PCSK5: variants seen among roughly 807,000 people sequenced by gnomAD.
PCSK5 encodes the protein prohormone convertase 5.
In PCSK5, 129 loss-of-function variants were observed where a neutral mutation model predicts 233.2. The ratio of observed to expected loss-of-function variants is 0.55; its 90% CI spans 0.48 to 0.64. The LOEUF (loss-of-function observed/expected upper bound fraction) is 0.64, where lower values mean the gene tolerates loss of function less well. Ranked by LOEUF, PCSK5 falls within the 30% of genes least tolerant of loss-of-function variation. The probability of loss-of-function intolerance (pLI) is 0.00; values close to 1 mark genes in which losing one functional copy is unlikely to be tolerated. For missense variants in PCSK5, 2,076 were observed against 2,430.1 expected, an observed-to-expected ratio of 0.85 and a Z score of 3.06; for synonymous variants, 825 against 879.2, an observed-to-expected ratio of 0.94 and a Z score of 1.09.
intron 5 of PCSK5, among the ~76,000 whole-genome samples, chr9:76,037,352 A>AGTTT (rs139081892): frequency 0.026 from 3,987 of 152,200 alleles, 145 homozygotes; most frequent in East Asian, 0.11. Context: ...TGTATTGACA[A>AGTTT]GTTTGTTTGT....
intron 1 of PCSK5, among the ~76,000 whole-genome samples, chr9:75,900,326 T>C (rs369659436): frequency 4.6e-5 from 7 of 152,154 alleles, no homozygotes; most frequent in African/African-American, 1.4e-4. Context: ...GAGTTAAAAG[T>C]AGCTAGAATA....
intron 35 of PCSK5, among the ~76,000 whole-genome samples, chr9:76,345,254 C>T (rs915355690): frequency 2.6e-5 from 4 of 151,508 alleles, no homozygotes; most frequent in African/African-American, 9.7e-5. Flanking sequence ...ACTCTGTCGC[C>T]CAGGCTAAAG....
intron 2 of PCSK5, among the ~76,000 whole-genome samples, chr9:75,969,429 TG>T: frequency 6.6e-6 from 1 of 152,292 alleles, no homozygotes; most frequent in Admixed American, 6.5e-5. Flanking sequence ...CCCTGGGTCT[TG>T]GAGGCACTTC....
intron 1 of PCSK5, among the ~76,000 whole-genome samples, chr9:75,914,020 T>G (rs1822871411): frequency 6.6e-6 from 1 of 152,202 alleles, no homozygotes; most frequent in Non-Finnish European, 1.5e-5. Flanking sequence ...AGGTCCAGTT[T>G]GTTCTTAAAT....
intron 5 of PCSK5, among the ~76,000 whole-genome samples, chr9:76,051,781 A>G (rs956411116): frequency 2.0e-5 from 3 of 152,288 alleles, no homozygotes; most frequent in African/African-American, 4.8e-5. Flanking sequence ...AAAGGAGACA[A>G]TTTCCCAGTC....
intron 1 of PCSK5, among the ~76,000 whole-genome samples, chr9:75,904,921 G>T (rs990106503): frequency 3.3e-5 from 5 of 152,094 alleles, no homozygotes; most frequent in African/African-American, 1.2e-4. Flanking sequence ...CGGATAAATG[G>T]ATACAATTTG....
chr9:76,085,510 A>G (rs1271160442), intron 7 of PCSK5, among the ~76,000 whole-genome samples: 2 of 152,222 alleles, frequency 1.3e-5, no homozygotes, highest in East Asian at 3.9e-4. Flanking sequence ...GGTTTCTTTT[A>G]AAAGGAAGGG....
chr9:76,329,574 C>T lies in PCSK5; in HGVS notation c.4570+1335C>T, dbSNP rs571896336. ...TCTTGGCTGGGCACGGTGGCTCACA[C>T]CTGTAATCCCAGCACTTTGGGAGGC... On this transcript the variant is annotated intron_variant, in intron 33 of 37. Coordinates refer to ENST00000674117, the MANE Select transcript of PCSK5 (RefSeq NM_001372043.1). Among the ~76,000 whole-genome samples the T allele has an allele frequency of 3.5e-4, 53 of 152,184 alleles. No homozygotes were observed. In the East Asian group the frequency reaches 8.1e-3, roughly 23 times the overall value.
At chr9:76,086,229 G>T (rs1221666254) in intron 7 of PCSK5, among the ~76,000 whole-genome samples, 1 of 152,224 alleles carries the variant, frequency 6.6e-6, no homozygotes, top group Non-Finnish European at 1.5e-5. Flanking sequence ...TGCTGGGATG[G>T]TGGATGTACC....
chr9:76,238,417 G>T (rs140937861), intron 22 of PCSK5, among the ~76,000 whole-genome samples: 1 of 152,322 alleles, frequency 6.6e-6, no homozygotes, highest in East Asian at 1.9e-4. Flanking sequence ...TTGGTCTAGT[G>T]CTTCAATAAG....
At chr9:76,126,508 GAGGCTGAGGC>G (rs1832859802) in intron 9 of PCSK5, among the ~76,000 whole-genome samples, 1 of 152,168 alleles carries the variant, frequency 6.6e-6, no homozygotes, top group South Asian at 2.1e-4. Flanking sequence ...AGCCACTCAG[GAGGCTGAGGC>G]AGGAGAATTG....
chr9:76,212,719 A>C (rs1825378163), intron 20 of PCSK5, among the ~76,000 whole-genome samples: 1 of 152,160 alleles, frequency 6.6e-6, no homozygotes, highest in Non-Finnish European at 1.5e-5. Context: ...ACATTTATTC[A>C]CCATTTGTTA....
rs2297344 is a variant in PCSK5, at chr9:76,071,902, G to A, written c.894+4G>A. On this transcript the variant is annotated splice_donor_region_variant and intron_variant, in intron 7 of 37. Transcript: ENST00000674117. ...CTTTGAAAACGGCGTTAGAATGGTA[G>A]GTTTTAAAAGCATGGAGGCTTATAC... The A allele has an allele frequency of 6.2e-7, 1 of 1,612,702 alleles. No homozygotes were observed. Among genetic ancestry groups the A allele is most frequent in the East Asian group, 2.2e-5 (1 of 44,854 alleles).
chr9:75,905,718 G>C (rs1397030929), intron 1 of PCSK5, among the ~76,000 whole-genome samples: 1 of 152,192 alleles, frequency 6.6e-6, no homozygotes, highest in Non-Finnish European at 1.5e-5. Flanking sequence ...AGTGGGGCCG[G>C]TAGACTCTTG....
At chr9:76,184,608 A>G in intron 16 of PCSK5, 65 bp from the exon 17 acceptor site, 1 of 1,035,862 alleles carries the variant, frequency 9.7e-7, no homozygotes, top group Non-Finnish European at 1.5e-6. Context: ...GCATTAGAAC[A>G]TCTCTGATGC....
chr9:76,083,173 C>A (rs1427813221), intron 7 of PCSK5, among the ~76,000 whole-genome samples: 1 of 136,582 alleles, frequency 7.3e-6, no homozygotes, highest in Non-Finnish European at 1.5e-5. Context: ...TGGGCCATTG[C>A]ACTCCAGCCT....
At chr9:76,192,565 T>G (rs1824449024) in intron 20 of PCSK5, among the ~76,000 whole-genome samples, 1 of 152,154 alleles carries the variant, frequency 6.6e-6, no homozygotes, top group African/African-American at 2.4e-5. Context: ...TGCAGAGACA[T>G]CTGTTCAACC....
At chr9:76,029,045 G>A (rs1259970979) in intron 5 of PCSK5, among the ~76,000 whole-genome samples, 3 of 152,070 alleles carry the variant, frequency 2.0e-5, no homozygotes, top group Non-Finnish European at 1.5e-5. Context: ...AAAGGCTGTC[G>A]ATCACTCTGG....
intron 20 of PCSK5, chr9:76,193,223 G>A: frequency 6.8e-6 from 11 of 1,611,530 alleles, no homozygotes; most frequent in Non-Finnish European, 9.3e-6. Flanking sequence ...CTCTCTTGCT[G>A]ACTTCTGGAA....
Sources: allele counts gnomAD v4.1 joint callset (sites outside exome capture counted in the v4.1 genomes callset), GRCh38; gene constraint gnomAD v4.1.1; transcripts MANE v1.5; gene names NCBI Gene and HGNC (gene_info 2026-07-23, HGNC 2026-07-21).